SYT14: variants seen among roughly 807,000 people sequenced by gnomAD.
SYT14 encodes synaptotagmin-14.
SYT14 carries 32 observed loss-of-function variants against 74.2 expected under a neutral mutation model. The ratio of observed to expected loss-of-function variants is 0.43; its 90% CI spans 0.33 to 0.58. The LOEUF (loss-of-function observed/expected upper bound fraction) is 0.58, where lower values mean the gene tolerates loss of function less well. SYT14 is among the 20% of genes least tolerant of loss of function. SYT14 has a pLI of 0.05. For synonymous variants in SYT14, 298 were observed against 337.7 expected (o/e 0.88, Z 1.29); for missense variants, 791 against 981.8 (o/e 0.81, Z 2.60).
intron 2 of SYT14, among the ~76,000 whole-genome samples, chr1:209,978,351 CT>C (rs1260696983): frequency 1.3e-5 from 2 of 152,152 alleles, no homozygotes; most frequent in Non-Finnish European, 2.9e-5. Flanking sequence ...TACCTTTGGT[CT>C]TTGATGATGG....
chr1:210,043,528 G>T (rs1235663741), intron 5 of SYT14, among the ~76,000 whole-genome samples: 2 of 152,118 alleles, frequency 1.3e-5, no homozygotes, highest in African/African-American at 4.8e-5. Context: ...GCATATAGTT[G>T]TCTCTACTAC....
chr1:210,005,473 A>G (rs570015399), intron 2 of SYT14, among the ~76,000 whole-genome samples: 258 of 152,072 alleles, frequency 1.7e-3, no homozygotes, highest in Non-Finnish European at 3.2e-3. Flanking sequence ...GATCTTATTG[A>G]AAAGAAAGAA....
chr1:210,049,588 C>A (rs1015421815), intron 5 of SYT14, among the ~76,000 whole-genome samples: 1 of 152,134 alleles, frequency 6.6e-6, no homozygotes, highest in African/African-American at 2.4e-5. Context: ...CCCTTACACC[C>A]CACCCTGCTG....
chr1:209,965,880 T>C (rs1227532578), intron 2 of SYT14: 2 of 447,538 alleles, frequency 4.5e-6, no homozygotes, highest in Non-Finnish European at 9.0e-6. Flanking sequence ...TGAACTTCTT[T>C]TTTTTTTTTT....
At chr1:210,013,896 A>G (rs2080135365) in intron 3 of SYT14, 99 bp downstream of exon 3, 2 of 1,143,244 alleles carry the variant, frequency 1.7e-6, no homozygotes, top group Non-Finnish European at 2.5e-6. Context: ...TGTGACATAC[A>G]ATAAACTAAT....
At chr1:209,984,636 G>A (rs533787781) in intron 2 of SYT14, among the ~76,000 whole-genome samples, 4 of 152,258 alleles carry the variant, frequency 2.6e-5, no homozygotes, top group African/African-American at 9.6e-5. Flanking sequence ...ATTTGCTGGT[G>A]ATGTTGTCTT....
intron 5 of SYT14, among the ~76,000 whole-genome samples, chr1:210,059,449 T>TAGAGAGAGAGAG (rs796666013): frequency 1.7e-3 from 156 of 89,684 alleles, no homozygotes; most frequent in African/African-American, 2.4e-3. Context: ...TATATATATA[T>TAGAGAGAGAGAG]ATAGAGAGAG....
chr1:210,076,974 T>G (rs911331591), intron 5 of SYT14, among the ~76,000 whole-genome samples: 4 of 152,204 alleles, frequency 2.6e-5, no homozygotes, highest in African/African-American at 9.7e-5. Flanking sequence ...TTTCTTTCAC[T>G]TAGCATAGTG....
At chr1:210,010,726 A>T (rs2080071179) in intron 2 of SYT14, among the ~76,000 whole-genome samples, 1 of 152,192 alleles carries the variant, frequency 6.6e-6, no homozygotes, top group African/African-American at 2.4e-5. Context: ...GGATTGAGGC[A>T]AGGGATAGAA....
chr1:209,938,277 G>C, exon 1 of SYT14: 2 of 1,560,920 alleles, frequency 1.3e-6, no homozygotes, highest in Non-Finnish European at 1.7e-6. Flanking sequence ...GGCGATTGAA[G>C]GTAAGTGGAG....
At chr1:210,123,583 G>GA (rs1407564555) in intron 7 of SYT14, among the ~76,000 whole-genome samples, 2 of 152,164 alleles carry the variant, frequency 1.3e-5, no homozygotes, top group Non-Finnish European at 2.9e-5. Context: ...TTCTTCTCTG[G>GA]AAAATCTCAA....
chr1:210,012,770 C>A (rs193111654), intron 2 of SYT14, among the ~76,000 whole-genome samples: 1 of 150,950 alleles, frequency 6.6e-6, no homozygotes, highest in South Asian at 2.1e-4. Context: ...GGCGCGATCT[C>A]GGCTCACTGC....
chr1:210,116,968 T>A (rs749761543), intron 7 of SYT14, among the ~76,000 whole-genome samples: 1 of 152,178 alleles, frequency 6.6e-6, no homozygotes, highest in Non-Finnish European at 1.5e-5. Context: ...TGGAATGCAA[T>A]AAGCATGCAT....
At chr1:210,147,140 A>G in intron 7 of SYT14, among the ~76,000 whole-genome samples, 1 of 152,206 alleles carries the variant, frequency 6.6e-6, no homozygotes, top group Non-Finnish European at 1.5e-5. Flanking sequence ...CTTTAATAGA[A>G]TAAAGAAATA....
exon 10 of SYT14, chr1:210,161,545 G>A (rs757989069): frequency 3.7e-5 from 17 of 453,992 alleles, no homozygotes; most frequent in South Asian, 2.6e-4. Flanking sequence ...AAGGGTTTCA[G>A]TCACATTGAA....
At chr1:210,148,117 T>C (rs998423826) in intron 7 of SYT14, among the ~76,000 whole-genome samples, 7 of 152,168 alleles carry the variant, frequency 4.6e-5, no homozygotes, top group African/African-American at 1.7e-4. Context: ...GTCAACTCAG[T>C]GCCAGAGAAT....
At chr1:210,121,057 ACTT>A (rs1205919922) in intron 7 of SYT14, among the ~76,000 whole-genome samples, 10 of 152,218 alleles carry the variant, frequency 6.6e-5, no homozygotes. Flanking sequence ...CATGGATCCC[ACTT>A]CATCCCAACT....
intron 1 of SYT14, among the ~76,000 whole-genome samples, chr1:209,949,949 A>G (rs766243853): frequency 6.6e-5 from 10 of 152,212 alleles, no homozygotes; most frequent in Non-Finnish European, 1.0e-4. Context: ...TATATAATAT[A>G]GATAAATTGA....
At chr1:210,023,690 G>A (rs1007230146) in intron 5 of SYT14, among the ~76,000 whole-genome samples, 1 of 152,222 alleles carries the variant, frequency 6.6e-6, no homozygotes, top group Admixed American at 6.5e-5. Context: ...AGAGTAGGAG[G>A]TGATTTCGAT....
Sources: allele counts gnomAD v4.1 joint callset (sites outside exome capture counted in the v4.1 genomes callset), GRCh38; gene constraint gnomAD v4.1.1; transcripts MANE v1.5; gene names NCBI Gene and HGNC (gene_info 2026-07-23, HGNC 2026-07-21).